The following HAT1 variants were observed in gnomAD, a reference collection of about 807,000 sequenced individuals.
The protein encoded by HAT1 is histone acetyltransferase type B catalytic subunit.
HAT1 carries 20 observed loss-of-function variants against 56.6 expected under a neutral mutation model. The ratio of observed to expected loss-of-function variants is 0.35; its 90% CI spans 0.25 to 0.51. The LOEUF is 0.51. Among genes scored for constraint, HAT1 ranks in the 20% least tolerant of loss-of-function variants. HAT1 has a pLI of 0.95. For missense variants in HAT1, 408 were observed against 504.3 expected, an observed-to-expected ratio of 0.81 and a Z score of 1.83; for synonymous variants, 146 against 165.5, an observed-to-expected ratio of 0.88 and a Z score of 0.91.
Position 171,966,882 on chromosome 2 carries a change from T to C in HAT1, c.756T>C (p.His252=). The change falls in exon 8 of 11, where the codon CAT becomes CAC. Residue 252 remains histidine (H), a synonymous_variant. Transcript: ENST00000264108. ...TGACTCCATTTCAAGGTCAAGGCCA[T>C]GGTGCTCAACTTCTTGAAACAGTTC... is the stretch of plus-strand genomic sequence containing the variant. ...LILTPFQGQG[H]GAQLLETVHR... 1 of 1,595,108 alleles carries C rather than the reference T, an allele frequency of 6.3e-7. No individual in the cohort carries two copies. The highest frequency in any genetic ancestry group is 8.6e-7 in the Non-Finnish European group (1 of 1,163,278).
At chr2:171,968,651 C>A (rs1368811206) in intron 8 of HAT1, among the ~76,000 whole-genome samples, 1 of 152,064 alleles carries the variant, frequency 6.6e-6, no homozygotes, top group Non-Finnish European at 1.5e-5. Context: ...TGGGTATTGG[C>A]CTTTATTTTC....
At chr2:171,949,139 TG>T (rs1318629448) in intron 3 of HAT1, among the ~76,000 whole-genome samples, 2 of 152,194 alleles carry the variant, frequency 1.3e-5, no homozygotes, top group Non-Finnish European at 2.9e-5. Flanking sequence ...TAGTTGGGCA[TG>T]CTACTATAAG....
chr2:171,939,959 A>G (rs1686978422), intron 2 of HAT1, among the ~76,000 whole-genome samples: 1 of 151,962 alleles, frequency 6.6e-6, no homozygotes, highest in African/African-American at 2.4e-5. Context: ...TGTGTAGAGA[A>G]AGGGTATCAC....
At chr2:171,923,264 G>A (rs906337691) in intron 1 of HAT1, 3 of 152,106 alleles carry the variant, frequency 2.0e-5, no homozygotes, top group African/African-American at 7.2e-5. Flanking sequence ...ATCTTTTGAA[G>A]TTATGGACAG....
chr2:171,959,664 GCTT>G (rs1317925172), intron 4 of HAT1, among the ~76,000 whole-genome samples: 8 of 152,144 alleles, frequency 5.3e-5, no homozygotes, highest in African/African-American at 1.9e-4. Flanking sequence ...TCATGGGCTT[GCTT>G]CTTCTATCTC....
chr2:171,943,151 C>T (rs950211914), intron 2 of HAT1, among the ~76,000 whole-genome samples: 3 of 150,948 alleles, frequency 2.0e-5, no homozygotes, highest in African/African-American at 7.3e-5. Flanking sequence ...CCTGTAATCC[C>T]AACACTTTGG....
At chr2:171,965,214 T>C (rs1687654823) in intron 4 of HAT1, 124 bp from the exon 5 acceptor site, 1 of 622,168 alleles carries the variant, frequency 1.6e-6, no homozygotes, top group South Asian at 2.2e-5. Flanking sequence ...CGCTGTGTGT[T>C]TACTTCTTTA....
At chr2:171,940,085 A>T (rs1349350163) in intron 2 of HAT1, among the ~76,000 whole-genome samples, 1 of 152,088 alleles carries the variant, frequency 6.6e-6, no homozygotes, top group African/African-American at 2.4e-5. Context: ...GACCTCTTTG[A>T]CCTGAATAAT....
chr2:171,973,489 TAAC>T (rs1383876789), intron 8 of HAT1, among the ~76,000 whole-genome samples: 1 of 151,812 alleles, frequency 6.6e-6, no homozygotes, highest in African/African-American at 2.4e-5. Context: ...ATTCCCATCT[TAAC>T]AATTCAGAAT....
At chr2:171,975,625 A>C (rs1387228388) in intron 8 of HAT1, among the ~76,000 whole-genome samples, 1 of 151,956 alleles carries the variant, frequency 6.6e-6, no homozygotes, top group Non-Finnish European at 1.5e-5. Context: ...GTTTCATCTA[A>C]ATTGTCTCAT....
Position 171,946,776 on chromosome 2 carries a change from G to A in HAT1, c.181G>A (p.Gly61Arg), listed in dbSNP as rs768990973. 1.4e-6 allele frequency: 2 copies of A among 1,464,482 alleles called. No homozygotes were observed. The highest frequency in any genetic ancestry group is 2.3e-5 in the East Asian group (1 of 42,730). 90.7% of individuals were successfully genotyped at this position (1,464,482 alleles called of 1,614,324 possible). ...FFPEYTHQLFGDDETAFGYKG... is the reference protein window; with the variant it reads ...FFPEYTHQLFRDDETAFGYKG... ...TCCTGAGTATACCCATCAACTCTTTGGGGATGAGTAAGTAACTTAGTAAAA... is the reference window on the plus strand; with the variant it reads ...TCCTGAGTATACCCATCAACTCTTTAGGGATGAGTAAGTAACTTAGTAAAA... Residue 61 changes from glycine to arginine, a missense_variant, in exon 3 of 11, where the codon GGG becomes AGG. By Grantham distance (125) the Gly-to-Arg change is moderately radical (BLOSUM62 -2). Coordinates refer to ENST00000264108, the MANE Select transcript of HAT1 (RefSeq NM_003642.4).
Position 171,977,551 on chromosome 2 carries a change from ATAT to A in HAT1, c.975+1244_975+1246del, listed in dbSNP as rs1172358277. ...TATATATATATATATATATATATAT[ATAT>A]ATATTTTTTTTTTTTTTTTTTTTTT... is the stretch of plus-strand genomic sequence containing the variant. On this transcript the variant is annotated intron_variant, in intron 9 of 10. Transcript: ENST00000264108. Among the ~76,000 whole-genome samples, 41 of 13,428 alleles carry A rather than the reference ATAT, an allele frequency of 3.1e-3. 1 individual carries two copies. Among genetic ancestry groups the A allele is most frequent in the African/African-American group, 0.012 (41 of 3,304 alleles). The allele number at this position is 13,428 out of a possible 152,430, so 8.8% of individuals were successfully genotyped here.
intron 9 of HAT1, 141 bp from the exon 10 acceptor site, chr2:171,979,106 C>T (rs1365967067): frequency 1.7e-6 from 1 of 601,012 alleles, no homozygotes; most frequent in African/African-American, 1.9e-5. Flanking sequence ...TGCTTGAGGG[C>T]AACTACTTTT....
intron 8 of HAT1, among the ~76,000 whole-genome samples, chr2:171,972,660 A>C (rs1413206334): frequency 6.6e-6 from 1 of 152,260 alleles, no homozygotes; most frequent in African/African-American, 2.4e-5. Context: ...CAGTGGCGAC[A>C]GCACAGAGTG....
chr2:171,960,738 C>G (rs1231812261), intron 4 of HAT1, among the ~76,000 whole-genome samples: 1 of 152,016 alleles, frequency 6.6e-6, no homozygotes, highest in African/African-American at 2.4e-5. Flanking sequence ...TTATTAACAC[C>G]TCCTGCTCTG....
At chr2:171,944,092 G>A (rs1163764446) in intron 2 of HAT1, among the ~76,000 whole-genome samples, 1 of 151,522 alleles carries the variant, frequency 6.6e-6, no homozygotes, top group Non-Finnish European at 1.5e-5. Flanking sequence ...GTTGCTGTGA[G>A]CTGTGATTGT....
At chr2:171,943,071 GA>G (rs1310963648) in intron 2 of HAT1, among the ~76,000 whole-genome samples, 1 of 25,610 alleles carries the variant, frequency 3.9e-5, no homozygotes, top group Non-Finnish European at 7.9e-5. Context: ...GGACATATTT[GA>G]GTTTTTTTTT....
chr2:171,935,179 G>A (rs771203175), intron 2 of HAT1, among the ~76,000 whole-genome samples: 2 of 151,964 alleles, frequency 1.3e-5, no homozygotes, highest in East Asian at 1.9e-4. Flanking sequence ...GGAGGAAAAC[G>A]AGGATATGAA....
chr2:171,949,724 A>C (rs1475914278), intron 3 of HAT1, among the ~76,000 whole-genome samples: 1 of 151,908 alleles, frequency 6.6e-6, no homozygotes, highest in Non-Finnish European at 1.5e-5. Context: ...TCCTATGTTG[A>C]CCAGGCTGGT....
Sources: gnomAD v4.1 joint callset for allele counts (sites outside exome capture counted in the v4.1 genomes callset) on GRCh38, gnomAD v4.1.1 for gene constraint, MANE v1.5 for transcripts, NCBI Gene and HGNC (gene_info 2026-07-23, HGNC 2026-07-21) for gene names.